The following DBT variants were observed in gnomAD, a reference collection of about 807,000 sequenced individuals.
DBT encodes lipoamide acyltransferase component of branched-chain alpha-keto acid dehydrogenase complex, mitochondrial.
A neutral mutation model predicts 51.3 loss-of-function variants in DBT; 40 were observed. That is an observed-to-expected ratio of 0.78 (90% confidence interval 0.61 to 1.02). The LOEUF (loss-of-function observed/expected upper bound fraction) is 1.02, where lower values mean the gene tolerates loss of function less well. Ranked by LOEUF, DBT falls within the 50% of genes least tolerant of loss-of-function variation. The probability of loss-of-function intolerance (pLI) is 0.00; values close to 1 mark genes in which losing one functional copy is unlikely to be tolerated. For missense variants in DBT, 510 were observed against 580.2 expected (o/e 0.88, Z 1.24); for synonymous variants, 181 against 190.4 (o/e 0.95, Z 0.41).
chr1:100,213,278 C>A, intron 7 of DBT: 2 of 1,366,532 alleles, frequency 1.5e-6, no homozygotes, highest in Admixed American at 3.7e-5. Flanking sequence ...GCCGACAGAG[C>A]CGAGCCGGGC....
At chr1:100,235,787 C>G (rs1663828868) in intron 2 of DBT, among the ~76,000 whole-genome samples, 1 of 151,782 alleles carries the variant, frequency 6.6e-6, no homozygotes, top group Non-Finnish European at 1.5e-5. Context: ...TATAAAAGGC[C>G]CTACTAACAA....
chr1:100,213,530 G>T, intron 7 of DBT: 1 of 1,553,278 alleles, frequency 6.4e-7, no homozygotes, highest in East Asian at 2.2e-5. Context: ...AGGCTGTCCC[G>T]TCTGCAGGGT....
At chr1:100,206,377 T>C (rs1184443775) in intron 9 of DBT, 68 bp downstream of exon 9, 3 of 1,557,250 alleles carry the variant, frequency 1.9e-6, no homozygotes, top group African/African-American at 1.4e-5. Flanking sequence ...GTGACTTTTC[T>C]ATTTTTAATT....
rs1195719421 is a variant in DBT at position 100,195,404 on chromosome 1, A to G, written c.*851T>C. The G allele has an allele frequency of 2.0e-5, 3 of 152,618 alleles. No individual in the cohort carries two copies. The highest frequency in any genetic ancestry group is 4.4e-5 in the Non-Finnish European group (3 of 68,036). 9.5% of individuals were successfully genotyped at this position (152,618 alleles called of 1,614,324 possible). On this transcript the variant is annotated 3_prime_UTR_variant, in exon 11 of 11. Coordinates refer to ENST00000370132, the MANE Select transcript of DBT (RefSeq NM_001918.5). ...GGCCAGTTTATACTTTTCCCTTTTCAAAGACATTAATTAATATAAATAAGA... is the reference window on the plus strand; with the variant it reads ...GGCCAGTTTATACTTTTCCCTTTTCGAAGACATTAATTAATATAAATAAGA...
rs200339376 is a variant in DBT at position 100,216,022 on chromosome 1, G to T, written c.733C>A (p.Pro245Thr). 55 of 1,612,094 alleles carry T rather than the reference G, an allele frequency of 3.4e-5. 1 individual carries two copies. The South Asian group carries it at 5.5e-4, about 16-fold the overall frequency. Residue 245 changes from proline to threonine, a missense_variant, in exon 6 of 11, where the codon CCG becomes ACG. By Grantham distance (38) the Pro-to-Thr change is conservative. Coordinates refer to ENST00000370132, the MANE Select transcript of DBT (RefSeq NM_001918.5). Reference protein sequence around the residue: ...MTVPILVSKPPVFTGKDKTEP... With the variant: ...MTVPILVSKPTVFTGKDKTEP... Reference sequence around the variant, plus strand: ...GTTTTGTCTTTGCCTGTGAATACCGGAGGTTTTGATACTAGTATAGGAACA... The same window carrying T: ...GTTTTGTCTTTGCCTGTGAATACCGTAGGTTTTGATACTAGTATAGGAACA...
intron 4 of DBT, among the ~76,000 whole-genome samples, chr1:100,222,447 G>C (rs555899611): frequency 7.2e-5 from 11 of 152,224 alleles, no homozygotes; most frequent in African/African-American, 2.4e-4. Context: ...CATCCTCTCT[G>C]AACTAAATTA....
intron 4 of DBT, among the ~76,000 whole-genome samples, chr1:100,223,759 C>T (rs1190674688): frequency 6.6e-6 from 1 of 151,950 alleles, no homozygotes. Flanking sequence ...TGAGTGACTG[C>T]ACATGGTCTA....
intron 5 of DBT, among the ~76,000 whole-genome samples, chr1:100,217,068 G>C (rs1662537500): frequency 6.6e-6 from 1 of 151,988 alleles, no homozygotes; most frequent in African/African-American, 2.4e-5. Context: ...AAATGCCACT[G>C]GTTCTTAATT....
chr1:100,187,543 T>C lies in DBT; in HGVS notation c.*8712A>G, dbSNP rs1003295620. The C allele has an allele frequency of 6.6e-6, 1 of 152,210 alleles. No individual in the cohort carries two copies. The highest frequency in any genetic ancestry group is 1.5e-5 in the Non-Finnish European group (1 of 68,038). The allele number at this position is 152,210 out of a possible 1,614,324, so 9.4% of individuals were successfully genotyped here. A position where few individuals can be genotyped will look rare whatever the true frequency, so the allele number is the denominator to read the frequency against. ...TTTTGTATATGTCTCTTTTTGTTTA[T>C]TTGAGACAAAGTCTCACTCTGTCAC... is the stretch of plus-strand genomic sequence containing the variant. On this transcript the variant is annotated 3_prime_UTR_variant, in exon 11 of 11. Transcript: ENST00000370132.
At chr1:100,200,574 C>A (rs1484143497) in intron 10 of DBT, among the ~76,000 whole-genome samples, 1 of 152,228 alleles carries the variant, frequency 6.6e-6, no homozygotes, top group African/African-American at 2.4e-5. Context: ...CAGACTGCCT[C>A]CTCAAGTGGG....
chr1:100,218,179 A>C (rs1662608318), intron 5 of DBT, among the ~76,000 whole-genome samples: 1 of 152,128 alleles, frequency 6.6e-6, no homozygotes, highest in African/African-American at 2.4e-5. Context: ...TTTTTTACTT[A>C]GGACCATGGC....
chr1:100,223,452 T>A (rs1430902761), intron 4 of DBT, among the ~76,000 whole-genome samples: 1 of 152,114 alleles, frequency 6.6e-6, no homozygotes, highest in Non-Finnish European at 1.5e-5. Context: ...CCCGTCTAAC[T>A]TTTTTGTTTG....
chr1:100,211,148 G>A (rs765568116), intron 7 of DBT: 25 of 778,380 alleles, frequency 3.2e-5, no homozygotes, highest in Non-Finnish European at 2.4e-6. Context: ...CACAAAAAAA[G>A]CAGGTAAGCT....
chr1:100,217,729 T>A (rs1165313550), intron 5 of DBT, among the ~76,000 whole-genome samples: 1 of 152,256 alleles, frequency 6.6e-6, no homozygotes, highest in Non-Finnish European at 1.5e-5. Flanking sequence ...TTCAAATCCC[T>A]AGTTCAGCTT....
At chr1:100,211,195 C>A in intron 7 of DBT, 1 of 754,122 alleles carries the variant, frequency 1.3e-6, no homozygotes, top group South Asian at 1.4e-5. Context: ...ACGAGGATTT[C>A]AAAGCGCACT....
rs1216199564 is a variant in DBT at position 100,194,576 on chromosome 1, C to T, written c.*1679G>A. Reference sequence around the variant, plus strand: ...GGCCAGGGTGGTCTCGAACTCCTGACCTCAGGTGATCTGGCCACCTCGGCC... The same window carrying T: ...GGCCAGGGTGGTCTCGAACTCCTGATCTCAGGTGATCTGGCCACCTCGGCC... On this transcript the variant is annotated 3_prime_UTR_variant, in exon 11 of 11. Coordinates refer to ENST00000370132, the MANE Select transcript of DBT (RefSeq NM_001918.5). The T allele has an allele frequency of 6.6e-6, 1 of 151,978 alleles. No homozygotes were observed. The highest frequency in any genetic ancestry group is 2.4e-5 in the African/African-American group (1 of 41,352). 9.4% of individuals were successfully genotyped at this position (151,978 alleles called of 1,614,324 possible). A position where few individuals can be genotyped will look rare whatever the true frequency, so the allele number is the denominator to read the frequency against.
intron 4 of DBT, among the ~76,000 whole-genome samples, chr1:100,224,827 C>T (rs1478160587): frequency 1.3e-5 from 2 of 151,156 alleles, no homozygotes; most frequent in Admixed American, 1.3e-4. Context: ...CCATCCTGGC[C>T]AACATGGTGA....
chr1:100,224,490 C>T (rs1235993167), intron 4 of DBT, among the ~76,000 whole-genome samples: 1 of 151,868 alleles, frequency 6.6e-6, no homozygotes, highest in Non-Finnish European at 1.5e-5. Context: ...AAAAACAAGT[C>T]CAAATATAAA....
intron 2 of DBT, among the ~76,000 whole-genome samples, chr1:100,238,994 G>C (rs1057450243): frequency 2.0e-5 from 3 of 152,172 alleles, no homozygotes; most frequent in South Asian, 4.1e-4. Context: ...ATTAGTATAT[G>C]TAAGCAGTAT....
Sources: gnomAD v4.1 joint callset for allele counts (sites outside exome capture counted in the v4.1 genomes callset) on GRCh38, gnomAD v4.1.1 for gene constraint, MANE v1.5 for transcripts, NCBI Gene and HGNC (gene_info 2026-07-23, HGNC 2026-07-21) for gene names.